PIK3C2G: variants seen among roughly 807,000 people sequenced by gnomAD.
The protein encoded by PIK3C2G is phosphatidylinositol-4-phosphate 3-kinase catalytic subunit type 2 gamma.
PIK3C2G carries 168 observed loss-of-function variants against 181.1 expected under a neutral mutation model. That is an observed-to-expected ratio of 0.93 (90% confidence interval 0.82 to 1.05). PIK3C2G has a LOEUF of 1.05. Among genes scored for constraint, PIK3C2G ranks in the 50% least tolerant of loss-of-function variants. PIK3C2G has a pLI of 0.00. For missense variants in PIK3C2G, 1,869 were observed against 1,732.8 expected, an observed-to-expected ratio of 1.08 and a Z score of -1.40; for synonymous variants, 573 against 592.2, an observed-to-expected ratio of 0.97 and a Z score of 0.47.
chr12:18,703,301 CTA>C, the PIK3C2G span, among the ~76,000 whole-genome samples: 1 of 152,052 alleles, frequency 6.6e-6, no homozygotes, highest in Non-Finnish European at 1.5e-5. Context: ...ATCATCAGCC[CTA>C]TATGTCTTGT....
At chr12:18,383,234 A>G (rs772135828) in intron 14 of PIK3C2G, among the ~76,000 whole-genome samples, 1 of 152,242 alleles carries the variant, frequency 6.6e-6, no homozygotes, top group Non-Finnish European at 1.5e-5. Flanking sequence ...TATGACTACT[A>G]TGCTCCAAAC....
At chr12:18,308,522 T>G (rs1171012992) in intron 5 of PIK3C2G, among the ~76,000 whole-genome samples, 1 of 150,682 alleles carries the variant, frequency 6.6e-6, no homozygotes, top group Admixed American at 6.6e-5. Flanking sequence ...GAAAATAAAT[T>G]AGTAGAGGCT....
At chr12:18,562,070 T>C (rs1945373500) in intron 26 of PIK3C2G, among the ~76,000 whole-genome samples, 1 of 152,230 alleles carries the variant, frequency 6.6e-6, no homozygotes, top group Non-Finnish European at 1.5e-5. Flanking sequence ...TAAATACTTT[T>C]AATAATTATA....
At chr12:18,431,192 G>A (rs926390704) in intron 18 of PIK3C2G, among the ~76,000 whole-genome samples, 1 of 152,056 alleles carries the variant, frequency 6.6e-6, no homozygotes, top group African/African-American at 2.4e-5. Context: ...CTTCTAATAT[G>A]AAAATATATA....
intron 24 of PIK3C2G, among the ~76,000 whole-genome samples, chr12:18,516,574 T>C (rs1285230736): frequency 6.6e-6 from 1 of 152,128 alleles, no homozygotes; most frequent in Non-Finnish European, 1.5e-5. Context: ...GACCTTTTTC[T>C]CTCTCCTCCT....
chr12:18,515,006 T>G (rs930777645), intron 24 of PIK3C2G, among the ~76,000 whole-genome samples: 6 of 152,074 alleles, frequency 3.9e-5, no homozygotes. Context: ...TTATATGATT[T>G]GTGTCCTTGA....
intron 18 of PIK3C2G, among the ~76,000 whole-genome samples, chr12:18,443,236 T>C (rs1946843369): frequency 6.6e-6 from 1 of 152,128 alleles, no homozygotes; most frequent in Non-Finnish European, 1.5e-5. Flanking sequence ...AATTAAGAAA[T>C]AGAATTAGCA....
At chr12:18,657,506 G>A in the PIK3C2G span, among the ~76,000 whole-genome samples, 1 of 152,122 alleles carries the variant, frequency 6.6e-6, no homozygotes, top group Non-Finnish European at 1.5e-5. Flanking sequence ...CATATGCAAA[G>A]GCTGAAAGAT....
At chr12:18,715,218 A>G in the PIK3C2G span, among the ~76,000 whole-genome samples, 1 of 109,516 alleles carries the variant, frequency 9.1e-6, no homozygotes. Context: ...AGAGAGAGAG[A>G]GAGAGACCTT....
At chr12:18,354,423 G>C (rs74070248) in intron 11 of PIK3C2G, among the ~76,000 whole-genome samples, 1 of 152,192 alleles carries the variant, frequency 6.6e-6, no homozygotes, top group African/African-American at 2.4e-5. Context: ...TGTCTCTGGG[G>C]TTTGTTTCTT....
chr12:18,291,096 TA>T lies in PIK3C2G; in HGVS notation c.919+90del, dbSNP rs1162861993. 5.5e-6 allele frequency: 4 copies of T among 723,402 alleles called. No individual in the cohort carries two copies. The African/African-American group carries it at 7.2e-5, about 13-fold the overall frequency. The allele number at this position is 723,402 out of a possible 1,614,324, so 44.8% of individuals were successfully genotyped here. ...CCTTGAATTCAAAGTCTGAAGTTAT[TA>T]AAAAATAATATTAGCTACTGTTTTT... On this transcript the variant is annotated intron_variant, in intron 4 of 32. Coordinates refer to ENST00000538779, the MANE Select transcript of PIK3C2G (RefSeq NM_001288772.2).
the PIK3C2G span, chr12:18,692,717 T>A: frequency 4.9e-6 from 4 of 815,602 alleles, no homozygotes; most frequent in Non-Finnish European, 8.0e-6. Context: ...CTTTGAATCA[T>A]CAACATAAAG....
At position 18,270,546 on chromosome 12, in the gene PIK3C2G, C is replaced by T. The variant is rs562671786; in HGVS notation, c.-79+8969C>T. ...GTCTTAGTTCCCAAGTGAGGTAAAA[C>T]TTATCAGTTAAACCAGTCCCAATGT... On this transcript the variant is annotated intron_variant, in intron 1 of 32. Transcript: ENST00000538779. Among the ~76,000 whole-genome samples, 98 of 152,224 alleles carry T rather than the reference C, an allele frequency of 6.4e-4. 2 individuals are homozygous for T. The South Asian group carries it at 0.019, about 30-fold the overall frequency.
intron 32 of PIK3C2G, among the ~76,000 whole-genome samples, chr12:18,644,654 A>G (rs1396421688): frequency 6.6e-6 from 1 of 152,152 alleles, no homozygotes; most frequent in Non-Finnish European, 1.5e-5. Flanking sequence ...CAATTTCAAC[A>G]TGATGAAAAT....
intron 10 of PIK3C2G, among the ~76,000 whole-genome samples, chr12:18,344,059 C>T (rs12299348): frequency 0.046 from 6,932 of 152,014 alleles, 534 homozygotes; most frequent in African/African-American, 0.16. Flanking sequence ...TCTTTGATCC[C>T]GTTATAGTAA....
chr12:18,709,456 C>A, the PIK3C2G span, among the ~76,000 whole-genome samples: 12 of 152,082 alleles, frequency 7.9e-5, no homozygotes, highest in Non-Finnish European at 1.5e-5. Flanking sequence ...AGTGTGATGC[C>A]TCCAACTTTG....
intron 31 of PIK3C2G, among the ~76,000 whole-genome samples, chr12:18,619,157 T>C (rs1015318251): frequency 2.6e-5 from 4 of 151,702 alleles, no homozygotes; most frequent in Non-Finnish European, 5.9e-5. Flanking sequence ...AAAAATATCT[T>C]GAAACAGAGA....
chr12:18,470,702 A>G (rs1938372379), intron 18 of PIK3C2G, among the ~76,000 whole-genome samples: 1 of 152,058 alleles, frequency 6.6e-6, no homozygotes, highest in Admixed American at 6.6e-5. Context: ...AAGTTCTGTA[A>G]GCCACACGGT....
chr12:18,258,344 T>A (rs1413900671), upstream of PIK3C2G, among the ~76,000 whole-genome samples: 1 of 152,140 alleles, frequency 6.6e-6, no homozygotes, highest in African/African-American at 2.4e-5. Flanking sequence ...AATACATTGC[T>A]TTAACCATAA....
Sources: gnomAD v4.1 joint callset for allele counts (sites outside exome capture counted in the v4.1 genomes callset) on GRCh38, gnomAD v4.1.1 for gene constraint, MANE v1.5 for transcripts, NCBI Gene and HGNC (gene_info 2026-07-23, HGNC 2026-07-21) for gene names.